The following PRKDC variants were observed in gnomAD, a reference collection of about 807,000 sequenced individuals.
PRKDC encodes the protein protein kinase, DNA-activated, catalytic subunit, also known as DNA-dependent protein kinase catalytic subunit.
PRKDC carries 82 observed loss-of-function variants against 486.9 expected under a neutral mutation model. That is an observed-to-expected ratio of 0.17 (90% CI 0.14 to 0.20). PRKDC has a LOEUF of 0.20. PRKDC is among the 10% of genes least tolerant of loss of function. PRKDC has a pLI of 1.00. For synonymous variants in PRKDC, 1,895 were observed against 1,837.0 expected (o/e 1.03, Z -0.81); for missense variants, 4,504 against 5,038.2 (o/e 0.89, Z 3.21).
chr8:47,833,014 G>C (rs1218403925), intron 59 of PRKDC, among the ~76,000 whole-genome samples: 1 of 152,206 alleles, frequency 6.6e-6, no homozygotes. Flanking sequence ...GAGCTCCACA[G>C]CAGCACTCCC....
chr8:47,815,914 A>C (rs2087432577), intron 68 of PRKDC, among the ~76,000 whole-genome samples: 3 of 152,174 alleles, frequency 2.0e-5, no homozygotes, highest in Admixed American at 2.0e-4. Context: ...AAACAATCAA[A>C]ATTATTATCA....
At chr8:47,797,313 A>T (rs947018778) in intron 73 of PRKDC, among the ~76,000 whole-genome samples, 1 of 152,224 alleles carries the variant, frequency 6.6e-6, no homozygotes, top group African/African-American at 2.4e-5. Flanking sequence ...TAAAATCATA[A>T]TGAAGTTATT....
chr8:47,828,539 G>A (rs955992663), intron 61 of PRKDC, among the ~76,000 whole-genome samples, 192 bp from the exon 62 acceptor site: 1 of 152,180 alleles, frequency 6.6e-6, no homozygotes, highest in African/African-American at 2.4e-5. Context: ...TCTGTTTGAT[G>A]TATGTTATGG....
chr8:47,930,329 G>A lies in PRKDC; in HGVS notation c.1893-317C>T, dbSNP rs8178037. Among the ~76,000 whole-genome samples, 4,341 of 152,288 alleles carry A rather than the reference G, an allele frequency of 0.029. 215 individuals are homozygous for A. The highest frequency in any genetic ancestry group is 0.097 in the African/African-American group (4,040 of 41,524). On this transcript the variant is annotated intron_variant, in intron 17 of 85. Coordinates refer to ENST00000314191, the MANE Select transcript of PRKDC (RefSeq NM_006904.7). Reference sequence around the variant, plus strand: ...GCTCCGTTGCTCAGGCTGGAGTGCAGTGGCGCAGTCTCGGCTCACTGCAAG... The same window carrying A: ...GCTCCGTTGCTCAGGCTGGAGTGCAATGGCGCAGTCTCGGCTCACTGCAAG...
chr8:47,890,701 A>T (rs2089439043), intron 31 of PRKDC, among the ~76,000 whole-genome samples: 1 of 152,194 alleles, frequency 6.6e-6, no homozygotes, highest in Non-Finnish European at 1.5e-5. Context: ...ATTCCCAAAC[A>T]TTACATGTGA....
chr8:47,807,018 A>G (rs1175754789), intron 69 of PRKDC, 119 bp downstream of exon 69: 1 of 1,077,780 alleles, frequency 9.3e-7, no homozygotes, highest in Non-Finnish European at 1.3e-6. Flanking sequence ...AAAGAGAGAA[A>G]AAAAATAACA....
At position 47,886,131 on chromosome 8, in the gene PRKDC, C is replaced by T. The variant is rs765573218; in HGVS notation, c.4589G>A (p.Ser1530Asn). ...AFGGLCERLV[S>N]LLLNPAVLST... ...CAGCACCGCTGGGTTCAGGAGAAGACTCACAAGGCGCTCACACTGGGAAAA... is the reference window on the plus strand; with the variant it reads ...CAGCACCGCTGGGTTCAGGAGAAGATTCACAAGGCGCTCACACTGGGAAAA... Residue 1530 changes from serine (S) to asparagine (N), a missense_variant, in exon 36 of 86, where the codon AGT becomes AAT. By Grantham distance (46) the Ser-to-Asn change is conservative. This residue lies in a region of PRKDC where 1,969 missense variants were observed against 2,068.9 expected (regional missense o/e 0.95). Transcript: ENST00000314191. 6.2e-7 allele frequency: 1 copy of T among 1,604,242 alleles called. No individual in the cohort carries two copies. The highest frequency in any genetic ancestry group is 1.7e-5 in the Admixed American group (1 of 58,274).
Position 47,930,769 on chromosome 8 carries a change from C to T in PRKDC, c.1795G>A (p.Gly599Ser). The T allele has an allele frequency of 6.3e-7, 1 of 1,581,796 alleles. No homozygotes were observed. Among genetic ancestry groups the T allele is most frequent in the East Asian group, 2.3e-5 (1 of 43,636 alleles). Residue 599 changes from glycine to serine, a missense_variant, in exon 17 of 86, where the codon GGT becomes AGT. Physicochemically the swap from Gly to Ser is moderately conservative, Grantham distance 56. Around this residue, in one of 6 missense-constraint regions of PRKDC, gnomAD observed 1,969 missense variants for 2,068.9 expected, o/e 0.95. Coordinates refer to ENST00000314191, the MANE Select transcript of PRKDC (RefSeq NM_006904.7). The part of the protein sequence containing the change: ...GEQENGDEAP[G>S]VWMIPTSDPA... The stretch of plus-strand genomic sequence containing the variant: ...TCTGAAGTTGGGATCATCCAAACAC[C>T]AGGCGCCTCATCTCCATTCTTAAAG...
intron 23 of PRKDC, among the ~76,000 whole-genome samples, chr8:47,914,342 G>C (rs185160019): frequency 6.6e-6 from 1 of 151,850 alleles, no homozygotes; most frequent in Non-Finnish European, 1.5e-5. Context: ...TTTTGTAGAA[G>C]AAAGTCAATG....
chr8:47,785,180 C>G lies in PRKDC; in HGVS notation c.11040G>C (p.Leu3680=), dbSNP rs1165866585. ...MNKDSKPPGN[L]KECSPWMSDF... ...CGCTCATCCAGGGTGAACATTCTTT[C>G]AGATTCCCAGGGGGCTTTGAGTCTT... Residue 3680 remains leucine (L), a synonymous_variant, in exon 77 of 86, where the codon CTG becomes CTC. Coordinates refer to ENST00000314191, the MANE Select transcript of PRKDC (RefSeq NM_006904.7). 6.2e-7 allele frequency: 1 copy of G among 1,613,950 alleles called. No individual in the cohort carries two copies. Among genetic ancestry groups the G allele is most frequent in the Admixed American group, 1.7e-5 (1 of 60,014 alleles).
At chr8:47,786,714 T>G (rs533519361) in intron 76 of PRKDC, among the ~76,000 whole-genome samples, 1 of 145,958 alleles carries the variant, frequency 6.9e-6, no homozygotes, top group Non-Finnish European at 1.5e-5. Flanking sequence ...AGAAAAAATA[T>G]TATTTAATCT....
Position 47,819,409 on chromosome 8 carries a change from G to A in PRKDC, c.9438C>T (p.Ser3146=). The A allele has an allele frequency of 1.3e-6, 2 of 1,519,448 alleles. No individual in the cohort carries two copies. Among genetic ancestry groups the A allele is most frequent in the Non-Finnish European group, 1.8e-6 (2 of 1,136,624 alleles). The allele number at this position is 1,519,448 out of a possible 1,614,324, so 94.1% of individuals were successfully genotyped here. Residue 3146 remains serine, a synonymous_variant, in exon 67 of 86, where the codon AGC becomes AGT. Transcript: ENST00000314191. ...ACCGATGAAAAAAATTACCTTGTTT[G>A]CTTATAAAGCTGATGAACTCCTGAA... ...TEIQEFISFI[S]KQGNLSSQVP...
intron 7 of PRKDC, among the ~76,000 whole-genome samples, chr8:47,953,128 G>A (rs111809927): frequency 1.5e-4 from 23 of 151,864 alleles, no homozygotes; most frequent in African/African-American, 4.6e-4. Flanking sequence ...GCTACGGAGC[G>A]AGACTCTGTT....
At chr8:47,834,890 C>T (rs1214821219) in intron 58 of PRKDC, among the ~76,000 whole-genome samples, 2 of 151,928 alleles carry the variant, frequency 1.3e-5, no homozygotes, top group African/African-American at 4.8e-5. Context: ...CGGGGTTTCA[C>T]CGTGTTAGCC....
At position 47,953,849 on chromosome 8, in the gene PRKDC, T is replaced by C; in HGVS notation, c.579A>G (p.Ala193=). ...EVHPSEMINN[A]ENLFRAFLGE... is the part of the protein sequence containing the mutation. ...CCAGAAAAGCGCGGAACAGGTTTTCTGCATTATTTATCATCTCACTAGGAT... is the reference window on the plus strand; with the variant it reads ...CCAGAAAAGCGCGGAACAGGTTTTCCGCATTATTTATCATCTCACTAGGAT... Residue 193 remains alanine (A), a synonymous_variant, in exon 6 of 86, where the codon GCA becomes GCG. Coordinates refer to ENST00000314191, the MANE Select transcript of PRKDC (RefSeq NM_006904.7). 6.4e-7 allele frequency: 1 copy of C among 1,570,856 alleles called. No individual in the cohort carries two copies. The highest frequency in any genetic ancestry group is 8.7e-7 in the Non-Finnish European group (1 of 1,155,872).
chr8:47,944,100 T>G, intron 7 of PRKDC, 71 bp from the exon 8 acceptor site: 3 of 1,230,940 alleles, frequency 2.4e-6, no homozygotes, highest in Non-Finnish European at 3.5e-6. Context: ...ACAGACAGCT[T>G]GACACCTATA....
intron 70 of PRKDC, among the ~76,000 whole-genome samples, chr8:47,802,890 T>C (rs2087138505): frequency 6.6e-6 from 1 of 151,980 alleles, no homozygotes; most frequent in African/African-American, 2.4e-5. Flanking sequence ...CCTGACCTCA[T>C]GATCTGCCTG....
At chr8:47,881,657 A>C (rs1398940395) in intron 37 of PRKDC, 137 bp from the exon 38 acceptor site, 12 of 615,412 alleles carry the variant, frequency 1.9e-5, no homozygotes, top group Non-Finnish European at 1.7e-5. Flanking sequence ...TCACAATCTT[A>C]TTGTAAAACA....
intron 76 of PRKDC, among the ~76,000 whole-genome samples, chr8:47,786,385 C>G (rs1254749708): frequency 6.6e-6 from 1 of 152,182 alleles, no homozygotes; most frequent in Non-Finnish European, 1.5e-5. Flanking sequence ...GCACTCCAGC[C>G]TGGGCGACAG....
Sources: gnomAD v4.1 joint callset for allele counts (sites outside exome capture counted in the v4.1 genomes callset) on GRCh38, gnomAD v4.1.1 for gene constraint, gnomAD v4.1.1 regional missense constraint, MANE v1.5 for transcripts, NCBI Gene and HGNC (gene_info 2026-07-23, HGNC 2026-07-21) for gene names.